Variants in CCDC60 observed in about 807,000 individuals in gnomAD.
The protein encoded by CCDC60 is coiled-coil domain containing 60, also known as coiled-coil domain-containing protein 60.
CCDC60 carries 54 observed loss-of-function variants against 63.5 expected under a neutral mutation model. That is an observed-to-expected ratio of 0.85 (90% CI 0.68 to 1.07). CCDC60 has a LOEUF of 1.07. CCDC60 is among the 50% of genes least tolerant of loss of function. The pLI, the probability that CCDC60 is intolerant of heterozygous loss-of-function variation, is 0.00. For missense variants in CCDC60, 651 were observed against 684.3 expected, an observed-to-expected ratio of 0.95 and a Z score of 0.54; for synonymous variants, 206 against 238.8, an observed-to-expected ratio of 0.86 and a Z score of 1.27.
At chr12:119,432,948 A>G (rs1045005265) in intron 2 of CCDC60, among the ~76,000 whole-genome samples, 1 of 152,232 alleles carries the variant, frequency 6.6e-6, no homozygotes, top group East Asian at 1.9e-4. Context: ...GCTAATCTCT[A>G]TGCCCTAGAG....
chr12:119,391,148 T>A (rs1956150784), intron 1 of CCDC60, among the ~76,000 whole-genome samples: 1 of 152,236 alleles, frequency 6.6e-6, no homozygotes. Context: ...GAAAATGGAC[T>A]GTTACCCACA....
intron 7 of CCDC60, among the ~76,000 whole-genome samples, chr12:119,508,976 G>A (rs7969150): frequency 0.011 from 1,706 of 152,212 alleles, 12 homozygotes; most frequent in Non-Finnish European, 0.018. Flanking sequence ...TGGCAGAAGG[G>A]AGTAGCAGAG....
chr12:119,339,067 G>C (rs1955504847), intron 1 of CCDC60, among the ~76,000 whole-genome samples: 2 of 152,036 alleles, frequency 1.3e-5, no homozygotes, highest in African/African-American at 4.8e-5. Context: ...AAAGTCTTTT[G>C]TTAAAGAAAC....
intron 1 of CCDC60, among the ~76,000 whole-genome samples, chr12:119,406,176 A>AATAT (rs113220833): frequency 7.0e-6 from 1 of 143,782 alleles, no homozygotes; most frequent in Non-Finnish European, 1.5e-5. Flanking sequence ...TGTCTCAAAA[A>AATAT]ATATATATAT....
At chr12:119,367,089 TC>T (rs1209672019) in intron 1 of CCDC60, among the ~76,000 whole-genome samples, 1 of 152,106 alleles carries the variant, frequency 6.6e-6, no homozygotes, top group Non-Finnish European at 1.5e-5. Flanking sequence ...CACCCCGGCC[TC>T]CCAAAGTGCT....
chr12:119,511,978 G>C (rs1952224721), intron 7 of CCDC60, among the ~76,000 whole-genome samples: 1 of 152,162 alleles, frequency 6.6e-6, no homozygotes, highest in South Asian at 2.1e-4. Context: ...GTCAAGTTCA[G>C]GTTAAATGGA....
intron 7 of CCDC60, among the ~76,000 whole-genome samples, chr12:119,507,923 T>G (rs1952099836): frequency 6.6e-6 from 1 of 151,958 alleles, no homozygotes. Flanking sequence ...ATTCCAATAT[T>G]TTGGGAGGCC....
chr12:119,488,442 T>C (rs1325807307), intron 4 of CCDC60, among the ~76,000 whole-genome samples: 1 of 152,182 alleles, frequency 6.6e-6, no homozygotes, highest in Non-Finnish European at 1.5e-5. Context: ...CCCTGCTATA[T>C]ATACAAATTC....
rs375839385 is a variant in CCDC60, at chr12:119,476,390, G to T, written c.342-2704G>T. 2.6e-5 allele frequency among the ~76,000 whole-genome samples: 4 copies of T among 152,304 alleles called. No homozygotes were observed. In the South Asian group the frequency reaches 8.3e-4, roughly 32 times the overall value. ...AAGCATGGTTGAGCCAGTAAGAAAA[G>T]GTCACAGCAAGGTATTTGCTGTGGT... On this transcript the variant is annotated intron_variant, in intron 3 of 13. Coordinates refer to ENST00000327554, the MANE Select transcript of CCDC60 (RefSeq NM_178499.5).
In CCDC60 at chr12:119,464,266, C is replaced by T. The variant is rs141043280; in HGVS notation, c.171-7728C>T. ...AGGTTGCAGTTTCTGCACATCATCA[C>T]GTAATATTTTGCCAGAGTTGGGTTG... On this transcript the variant is annotated intron_variant, in intron 2 of 13. Coordinates refer to ENST00000327554, the MANE Select transcript of CCDC60 (RefSeq NM_178499.5). Among the ~76,000 whole-genome samples the T allele has an allele frequency of 1.7e-3, 234 of 137,812 alleles. 18 individuals are homozygous for T. In the South Asian group the frequency reaches 0.019, roughly 11 times the overall value. 90.4% of individuals were successfully genotyped at this position (137,812 alleles called of 152,430 possible). A position where few individuals can be genotyped will look rare whatever the true frequency, so the allele number is the denominator to read the frequency against.
At chr12:119,425,737 G>A (rs1956888548) in intron 1 of CCDC60, among the ~76,000 whole-genome samples, 1 of 152,164 alleles carries the variant, frequency 6.6e-6, no homozygotes, top group South Asian at 2.1e-4. Context: ...AGTCAGTAAG[G>A]AAAGAGAACA....
chr12:119,432,681 C>A (rs117381109), intron 2 of CCDC60, among the ~76,000 whole-genome samples: 112 of 152,292 alleles, frequency 7.4e-4, no homozygotes, highest in Non-Finnish European at 1.4e-3. Flanking sequence ...GGCGACAAAG[C>A]AGTGGCTTGC....
intron 2 of CCDC60, among the ~76,000 whole-genome samples, chr12:119,442,171 A>G (rs955797249): frequency 6.6e-6 from 1 of 152,224 alleles, no homozygotes; most frequent in Non-Finnish European, 1.5e-5. Context: ...CAGAAAAAAA[A>G]CATTCCGTAT....
intron 2 of CCDC60, among the ~76,000 whole-genome samples, chr12:119,468,567 C>T (rs1950997647): frequency 6.6e-6 from 1 of 152,072 alleles, no homozygotes; most frequent in South Asian, 2.1e-4. Context: ...ATTTAGAAAA[C>T]ATTCAGTGGT....
rs148124064 is a variant in CCDC60 at position 119,467,097 on chromosome 12, G to A, written c.171-4897G>A. Among the ~76,000 whole-genome samples the A allele has an allele frequency of 9.7e-4, 148 of 152,328 alleles. 2 individuals carry two copies. The East Asian group carries it at 0.026, about 27-fold the overall frequency. ...TGGGTATAAATATGACTGCAAAACT[G>A]CCCTGAGCTGCTGCTCTCAGCACAC... On this transcript the variant is annotated intron_variant, in intron 2 of 13. Transcript: ENST00000327554.
At chr12:119,356,542 T>C (rs1032646042) in intron 1 of CCDC60, among the ~76,000 whole-genome samples, 6 of 152,216 alleles carry the variant, frequency 3.9e-5, no homozygotes, top group African/African-American at 1.4e-4. Flanking sequence ...GTGCAGAATA[T>C]GACCAGAATT....
intron 3 of CCDC60, among the ~76,000 whole-genome samples, chr12:119,475,143 A>C (rs537845157): frequency 6.6e-6 from 1 of 152,274 alleles, no homozygotes; most frequent in South Asian, 2.1e-4. Flanking sequence ...ACTCAATGGC[A>C]CCCATAGATT....
intron 2 of CCDC60, among the ~76,000 whole-genome samples, chr12:119,446,612 G>A (rs1950545909): frequency 6.6e-6 from 1 of 152,086 alleles, no homozygotes; most frequent in Admixed American, 6.6e-5. Flanking sequence ...GAGAGGGAGA[G>A]GGAGGACGGG....
chr12:119,534,394 G>A (rs1261515849), intron 13 of CCDC60, among the ~76,000 whole-genome samples: 1 of 152,132 alleles, frequency 6.6e-6, no homozygotes, highest in East Asian at 1.9e-4. Flanking sequence ...TTTCCTAAGT[G>A]AATACCCTTT....
Sources: gnomAD v4.1 joint callset for allele counts (sites outside exome capture counted in the v4.1 genomes callset) on GRCh38, gnomAD v4.1.1 for gene constraint, MANE v1.5 for transcripts, NCBI Gene and HGNC (gene_info 2026-07-23, HGNC 2026-07-21) for gene names.